ARMC9: variants seen among roughly 807,000 people sequenced by gnomAD.
The protein encoded by ARMC9 is lisH domain-containing protein ARMC9.
ARMC9 carries 94 observed loss-of-function variants against 107.0 expected under a neutral mutation model. The observed-to-expected ratio is 0.88, with a 90% CI of 0.74 to 1.04. The LOEUF (loss-of-function observed/expected upper bound fraction) is 1.04, where lower values mean the gene tolerates loss of function less well. ARMC9 is among the 50% of genes least tolerant of loss of function. The probability of loss-of-function intolerance (pLI) is 0.00; values close to 1 mark genes in which losing one functional copy is unlikely to be tolerated. For missense variants in ARMC9, 942 were observed against 1,030.1 expected (o/e 0.91, Z 1.17); for synonymous variants, 380 against 396.9 (o/e 0.96, Z 0.51).
chr2:231,228,440 T>C (rs1434161005), intron 7 of ARMC9, among the ~76,000 whole-genome samples: 3 of 152,202 alleles, frequency 2.0e-5, no homozygotes, highest in African/African-American at 7.2e-5. Flanking sequence ...ACGTGGGGTC[T>C]CAGCAGAGGC....
At chr2:231,327,047 T>C (rs1196543233) in intron 19 of ARMC9, among the ~76,000 whole-genome samples, 1 of 152,058 alleles carries the variant, frequency 6.6e-6, no homozygotes, top group Non-Finnish European at 1.5e-5. Context: ...TTCCCATTTT[T>C]CCCTCCATAG....
At chr2:231,355,983 A>G in intron 22 of ARMC9, 49 bp downstream of exon 22, 1 of 1,503,156 alleles carries the variant, frequency 6.7e-7, no homozygotes, top group Non-Finnish European at 8.9e-7. Flanking sequence ...TGTGATGTCT[A>G]GAACCTACGC....
chr2:231,232,223 A>G (rs570998783), intron 7 of ARMC9, among the ~76,000 whole-genome samples: 2 of 150,442 alleles, frequency 1.3e-5, no homozygotes, highest in African/African-American at 4.9e-5. Flanking sequence ...ATGGGGTTTC[A>G]CTATGTTGGC....
chr2:231,231,124 G>A (rs1054167782), intron 7 of ARMC9, among the ~76,000 whole-genome samples: 5 of 152,168 alleles, frequency 3.3e-5, no homozygotes, highest in Admixed American at 3.3e-4. Flanking sequence ...AACTTCCGGG[G>A]GGAAGGGTTC....
chr2:231,324,454 T>TA (rs148497346), intron 19 of ARMC9, among the ~76,000 whole-genome samples: 23,182 of 129,312 alleles, frequency 0.18, 2,425 homozygotes, highest in South Asian at 0.33. Flanking sequence ...TTGTTTTAAT[T>TA]AAAAAAAAAA....
At chr2:231,315,754 C>T (rs150929043) in intron 19 of ARMC9, among the ~76,000 whole-genome samples, 5 of 152,116 alleles carry the variant, frequency 3.3e-5, no homozygotes, top group East Asian at 1.9e-4. Flanking sequence ...ATAATTGATA[C>T]GGTTGGGTTT....
At chr2:231,260,637 T>C (rs1488619454) in intron 11 of ARMC9, among the ~76,000 whole-genome samples, 2 of 152,114 alleles carry the variant, frequency 1.3e-5, no homozygotes, top group African/African-American at 4.8e-5. Flanking sequence ...TCTGGTTTTG[T>C]TTGGGTCAGG....
At chr2:231,317,343 A>G (rs1007729257) in intron 19 of ARMC9, among the ~76,000 whole-genome samples, 20 of 151,348 alleles carry the variant, frequency 1.3e-4, no homozygotes, top group Middle Eastern at 3.4e-3. Context: ...GCTGATTTTT[A>G]TATTTTTAGT....
chr2:231,319,020 C>T (rs759417160), intron 19 of ARMC9, among the ~76,000 whole-genome samples: 2 of 151,950 alleles, frequency 1.3e-5, no homozygotes, highest in Non-Finnish European at 2.9e-5. Context: ...GGGGGCCTTG[C>T]GGGAACAGGA....
In ARMC9 at chr2:231,208,941, G is replaced by A. The variant is rs141035197; in HGVS notation, c.177+689G>A. Among the ~76,000 whole-genome samples the A allele has an allele frequency of 4.2e-3, 633 of 151,956 alleles. 10 individuals are homozygous for A. Among genetic ancestry groups the A allele is most frequent in the Admixed American group, 0.034 (521 of 15,248 alleles). On this transcript the variant is annotated intron_variant, in intron 3 of 24. Transcript: ENST00000611582. ...TTGAGATGGAGTCTCTCGCTCTGTC[G>A]CCCAGGCTGGAGTGCGGTGGTACGA...
At position 231,276,663 on chromosome 2, in the gene ARMC9, A is replaced by G. The variant is rs1221454871; in HGVS notation, c.1362A>G (p.Gln454=). The change falls in exon 15 of 25, where the codon CAA becomes CAG. Residue 454 remains glutamine (Q), a synonymous_variant. Coordinates refer to ENST00000611582, the MANE Select transcript of ARMC9 (RefSeq NM_001352754.2). ...LRRPLQTAMI[Q]DGLIFWLVDV... ...GCCCGCTGCAGACAGCGATGATTCA[A>G]GACGGCCTCATCTTCTGGCTGGTTG... 6.2e-6 allele frequency: 10 copies of G among 1,614,050 alleles called. No homozygotes were observed. The highest frequency in any genetic ancestry group is 7.6e-6 in the Non-Finnish European group (9 of 1,180,038).
At chr2:231,337,615 G>T (rs1175142520) in intron 20 of ARMC9, among the ~76,000 whole-genome samples, 1 of 135,828 alleles carries the variant, frequency 7.4e-6, no homozygotes, top group Non-Finnish European at 1.6e-5. Context: ...GACTACAGGC[G>T]CCCGCCACTA....
chr2:231,342,957 A>G (rs1338084796), intron 20 of ARMC9, among the ~76,000 whole-genome samples: 1 of 151,944 alleles, frequency 6.6e-6, no homozygotes, highest in African/African-American at 2.4e-5. Flanking sequence ...CTTGTTGCCC[A>G]GGCTGGAGTG....
chr2:231,371,069 C>T, intron 24 of ARMC9: 1 of 459,864 alleles, frequency 2.2e-6, no homozygotes, highest in Non-Finnish European at 4.3e-6. Context: ...CCAGCCCAGC[C>T]AGTCGCAGCC....
chr2:231,258,779 C>T (rs1254576546), intron 10 of ARMC9, among the ~76,000 whole-genome samples: 3 of 152,160 alleles, frequency 2.0e-5, no homozygotes, highest in East Asian at 1.9e-4. Flanking sequence ...TAAACAGAAC[C>T]TAAGTCCATC....
At chr2:231,290,713 T>C (rs2040928039) in intron 17 of ARMC9, among the ~76,000 whole-genome samples, 1 of 152,216 alleles carries the variant, frequency 6.6e-6, no homozygotes, top group South Asian at 2.1e-4. Context: ...ATAAACAATG[T>C]ATAGTGTAGT....
chr2:231,321,709 A>T (rs1217656036), intron 19 of ARMC9, among the ~76,000 whole-genome samples: 1 of 151,914 alleles, frequency 6.6e-6, no homozygotes, highest in Non-Finnish European at 1.5e-5. Context: ...GCACACTCTT[A>T]GGATCCTGTT....
chr2:231,212,263 G>A (rs1168580618), intron 3 of ARMC9, among the ~76,000 whole-genome samples: 1 of 152,146 alleles, frequency 6.6e-6, no homozygotes, highest in African/African-American at 2.4e-5. Flanking sequence ...CTAATATTTT[G>A]TGACTGTAAG....
At position 231,270,427 on chromosome 2, in the gene ARMC9, T is replaced by G; in HGVS notation, c.1120-555T>G. ...TTCGTCTTTATTTTTCTTCAGCTCTTAAGTGCTTTGAGGAGTGAGTAATGG... is the reference window on the plus strand; with the variant it reads ...TTCGTCTTTATTTTTCTTCAGCTCTGAAGTGCTTTGAGGAGTGAGTAATGG... On this transcript the variant is annotated intron_variant, in intron 12 of 24. Transcript: ENST00000611582. 3 of 355,422 alleles carry G rather than the reference T, an allele frequency of 8.4e-6. 1 individual carries two copies. Among genetic ancestry groups the G allele is most frequent in the Non-Finnish European group, 1.7e-5 (3 of 180,992 alleles). The allele number at this position is 355,422 out of a possible 1,614,324, so 22.0% of individuals were successfully genotyped here.
Sources: allele counts gnomAD v4.1 joint callset (sites outside exome capture counted in the v4.1 genomes callset), GRCh38; gene constraint gnomAD v4.1.1; transcripts MANE v1.5; gene names NCBI Gene and HGNC (gene_info 2026-07-23, HGNC 2026-07-21).